The following PANX1 variants were observed in gnomAD, a reference collection of about 807,000 sequenced individuals.
PANX1 encodes the protein pannexin-1.
Under a neutral mutation model 38.7 loss-of-function variants are expected in PANX1, and 30 were observed. The observed-to-expected ratio is 0.78, with a 90% CI of 0.58 to 1.05. The LOEUF is 1.05. PANX1 is among the 50% of genes least tolerant of loss of function. The pLI is 0.00. For missense variants in PANX1, 551 were observed against 517.2 expected, an observed-to-expected ratio of 1.07 and a Z score of -0.63; for synonymous variants, 230 against 212.2, an observed-to-expected ratio of 1.08 and a Z score of -0.73.
chr11:94,142,995 G>A (rs1199985779), intron 1 of PANX1, among the ~76,000 whole-genome samples: 1 of 152,224 alleles, frequency 6.6e-6, no homozygotes, highest in African/African-American at 2.4e-5. Context: ...CATCTGTCAT[G>A]AGTTTTTGTC....
At chr11:94,161,540 G>A (rs1947035245) in intron 2 of PANX1, among the ~76,000 whole-genome samples, 2 of 152,186 alleles carry the variant, frequency 1.3e-5, no homozygotes, top group Admixed American at 1.3e-4. Flanking sequence ...GCATTTGTCA[G>A]GTAGTTCTCG....
Position 94,179,944 on chromosome 11 carries a change from T to G in PANX1, c.888T>G (p.Phe296Leu). The change falls in exon 4 of 5, where the codon TTT (phenylalanine) becomes TTG (leucine). Residue 296 changes from phenylalanine (F) to leucine (L), a missense_variant. Phe to Leu is a conservative substitution (Grantham distance 22). Transcript: ENST00000227638. ...LLAPVVVYTL[F>L]VPFRQKTDVL... Reference sequence around the variant, plus strand: ...CTCCCGTGGTTGTCTACACGCTGTTTGTTCCATTCCGACAGAAGACAGATG... The same window carrying G: ...CTCCCGTGGTTGTCTACACGCTGTTGGTTCCATTCCGACAGAAGACAGATG... 6.2e-7 allele frequency: 1 copy of G among 1,605,604 alleles called. No homozygotes were observed. The highest frequency in any genetic ancestry group is 1.1e-5 in the South Asian group (1 of 90,130).
chr11:94,146,164 G>T (rs960174690), intron 1 of PANX1, among the ~76,000 whole-genome samples: 3 of 152,196 alleles, frequency 2.0e-5, no homozygotes, highest in African/African-American at 7.2e-5. Context: ...GGAACATGTC[G>T]AAGGACACAG....
At position 94,129,531 on chromosome 11, in the gene PANX1, G is replaced by A. The variant is rs763403399; in HGVS notation, c.181+38G>A. ...CAGGACGGAGGGGAGTGGCCGCCCC[G>A]GTCTGGCCCGGTGAGCTGCGATTTT... On this transcript the variant is annotated intron_variant, in intron 1 of 4. Coordinates refer to ENST00000227638, the MANE Select transcript of PANX1 (RefSeq NM_015368.4). The A allele has an allele frequency of 3.9e-6, 6 of 1,554,480 alleles. No homozygotes were observed. The South Asian group carries it at 5.9e-5, about 15-fold the overall frequency.
At chr11:94,137,228 C>T (rs181358719) in intron 1 of PANX1, among the ~76,000 whole-genome samples, 602 of 152,194 alleles carry the variant, frequency 4.0e-3, no homozygotes, top group Non-Finnish European at 6.9e-3. Context: ...CGCTTGAACG[C>T]GGGAGGCAGA....
At chr11:94,131,806 C>T (rs1194179950) in intron 1 of PANX1, among the ~76,000 whole-genome samples, 1 of 152,194 alleles carries the variant, frequency 6.6e-6, no homozygotes, top group Admixed American at 6.5e-5. Context: ...GGGATCATGT[C>T]ATGCAGCATT....
intron 1 of PANX1, among the ~76,000 whole-genome samples, chr11:94,136,859 AAAGTTTATGTGGCTCATGGTTTT>A (rs1179857654): frequency 1.3e-5 from 2 of 152,188 alleles, no homozygotes; most frequent in African/African-American, 4.8e-5. Context: ...TTTTTAAAGA[AAAGTTTATGTGGCTCATGGTTTT>A]GTGGGCTGTA....
chr11:94,179,955 G>T lies in PANX1; in HGVS notation c.899G>T (p.Arg300Leu), dbSNP rs1488386695. 1.9e-6 allele frequency: 3 copies of T among 1,600,086 alleles called. No homozygotes were observed. Among genetic ancestry groups the T allele is most frequent in the Non-Finnish European group, 2.6e-6 (3 of 1,170,866 alleles). The part of the protein sequence containing the change: ...VVVYTLFVPF[R>L]QKTDVLKVYE... ...GTCTACACGCTGTTTGTTCCATTCC[G>T]ACAGAAGACAGATGTTCTCAAAGTG... Residue 300 changes from arginine to leucine, a missense_variant, in exon 4 of 5, where the codon CGA becomes CTA. Transcript: ENST00000227638.
intron 2 of PANX1, among the ~76,000 whole-genome samples, chr11:94,155,149 G>A (rs553881319): frequency 3.9e-5 from 6 of 152,240 alleles, no homozygotes; most frequent in Non-Finnish European, 8.8e-5. Context: ...TCAGGAGTTC[G>A]AGACCAGCCT....
At chr11:94,178,235 G>C in intron 2 of PANX1, 134 bp from the exon 3 acceptor site, 1 of 668,688 alleles carries the variant, frequency 1.5e-6, no homozygotes, top group East Asian at 2.7e-5. Flanking sequence ...ATAAGAAGTA[G>C]TTATTAGGTA....
chr11:94,143,349 G>T (rs1384037764), intron 1 of PANX1, among the ~76,000 whole-genome samples: 1 of 152,050 alleles, frequency 6.6e-6, no homozygotes. Context: ...AAGACAGATG[G>T]GTAAACAAAT....
chr11:94,168,034 G>T (rs1947121968), intron 2 of PANX1, among the ~76,000 whole-genome samples: 1 of 152,208 alleles, frequency 6.6e-6, no homozygotes, highest in Admixed American at 6.5e-5. Flanking sequence ...GGAGAAGTGG[G>T]AGGCAGATGG....
At chr11:94,130,388 G>A (rs1946614839) in intron 1 of PANX1, among the ~76,000 whole-genome samples, 1 of 152,186 alleles carries the variant, frequency 6.6e-6, no homozygotes, top group Admixed American at 6.5e-5. Context: ...ATATGTTCCT[G>A]GAAAGAGAGA....
chr11:94,179,622 G>A lies in PANX1; in HGVS notation c.566G>A (p.Ser189Asn), dbSNP rs759178807. The A allele has an allele frequency of 6.2e-7, 1 of 1,613,454 alleles. No individual in the cohort carries two copies. The highest frequency in any genetic ancestry group is 1.1e-5 in the South Asian group (1 of 91,000). Reference sequence around the variant, plus strand: ...TTTAGTTTGTGGGAGGTATCTGAAAGCCACTTCAAGTACCCAATTGTGGAG... The same window carrying A: ...TTTAGTTTGTGGGAGGTATCTGAAAACCACTTCAAGTACCCAATTGTGGAG... Reference protein sequence around the residue: ...LGQSLWEVSESHFKYPIVEQY... With the variant: ...LGQSLWEVSENHFKYPIVEQY... Residue 189 changes from serine to asparagine, a missense_variant, in exon 4 of 5, where the codon AGC becomes AAC. Coordinates refer to ENST00000227638, the MANE Select transcript of PANX1 (RefSeq NM_015368.4).
intron 2 of PANX1, among the ~76,000 whole-genome samples, chr11:94,169,673 A>G (rs916354706): frequency 5.3e-5 from 8 of 151,664 alleles, no homozygotes; most frequent in Non-Finnish European, 1.0e-4. Flanking sequence ...GGGAGAAAAC[A>G]GCCGCATGCC....
At chr11:94,172,970 G>A (rs753891326) in intron 2 of PANX1, among the ~76,000 whole-genome samples, 4 of 151,838 alleles carry the variant, frequency 2.6e-5, no homozygotes, top group Middle Eastern at 3.4e-3. Context: ...AGCACCTTTG[G>A]TGCTGAATAG....
intron 3 of PANX1, among the ~76,000 whole-genome samples, chr11:94,179,185 A>G (rs541841371): frequency 1.8e-4 from 28 of 152,256 alleles, no homozygotes; most frequent in African/African-American, 6.5e-4. Context: ...CTCCACTTTT[A>G]TTCTGGATAA....
chr11:94,178,448 A>G lies in PANX1; in HGVS notation c.401A>G (p.His134Arg), dbSNP rs754450151. Residue 134 changes from histidine (H) to arginine (R), a missense_variant, in exon 3 of 5, where the codon CAT (histidine) becomes CGT (arginine). By Grantham distance (29) the His-to-Arg change is conservative (BLOSUM62 0). Coordinates refer to ENST00000227638, the MANE Select transcript of PANX1 (RefSeq NM_015368.4). Reference sequence around the variant, plus strand: ...TTCTGGCGTTTCGCAGCTGCTCCTCATATTTGCTCAGACTTGAAGTTTATC... The same window carrying G: ...TTCTGGCGTTTCGCAGCTGCTCCTCGTATTTGCTCAGACTTGAAGTTTATC... ...PLFWRFAAAP[H>R]ICSDLKFIME... 9 of 1,613,928 alleles carry G rather than the reference A, an allele frequency of 5.6e-6. No individual in the cohort carries two copies. The African/African-American group carries it at 1.1e-4, about 19-fold the overall frequency.
chr11:94,153,597 C>G lies in PANX1; in HGVS notation c.288C>G (p.Ser96Arg), dbSNP rs1337308114. The part of the protein sequence containing the change: ...AAVQQKNSLQ[S>R]ESGNLPLWLH... ...TTCAGCAGAAGAACTCACTGCAGAG[C>G]GAGTCTGGAAACCTCCCACTGTGGC... Residue 96 changes from serine (S) to arginine (R), a missense_variant, in exon 2 of 5, where the codon AGC becomes AGG. Ser to Arg is a moderately radical substitution (Grantham distance 110). Coordinates refer to ENST00000227638, the MANE Select transcript of PANX1 (RefSeq NM_015368.4). The G allele has an allele frequency of 4.3e-6, 7 of 1,613,734 alleles. No individual in the cohort carries two copies. The highest frequency in any genetic ancestry group is 4.2e-6 in the Non-Finnish European group (5 of 1,179,848).
Sources: gnomAD v4.1 joint callset for allele counts (sites outside exome capture counted in the v4.1 genomes callset) on GRCh38, gnomAD v4.1.1 for gene constraint, MANE v1.5 for transcripts, NCBI Gene and HGNC (gene_info 2026-07-23, HGNC 2026-07-21) for gene names.